FBXW10B: variants seen among roughly 807,000 people sequenced by gnomAD.
FBXW10B encodes the protein F-box and WD repeat domain containing 10B.
the FBXW10B span, chr17:15,589,111 A>T: frequency 2.5e-6 from 4 of 1,578,128 alleles, no homozygotes; most frequent in Non-Finnish European, 3.5e-6. Context: ...GTGGAGTCTC[A>T]CATGAGCACA....
the FBXW10B span, chr17:15,612,765 G>T: frequency 6.2e-7 from 1 of 1,614,044 alleles, no homozygotes; most frequent in South Asian, 1.1e-5. Flanking sequence ...TACCATTTTA[G>T]GAACTGGGAT....
the FBXW10B span, among the ~76,000 whole-genome samples, chr17:15,579,803 G>C: frequency 6.6e-6 from 1 of 152,132 alleles, no homozygotes; most frequent in African/African-American, 2.4e-5. Context: ...CAATAAATAG[G>C]CACCAAATTA....
At chr17:15,597,489 T>C in the FBXW10B span, among the ~76,000 whole-genome samples, 329 of 143,802 alleles carry the variant, frequency 2.3e-3, 3 homozygotes, top group African/African-American at 6.5e-3. Context: ...AAAAATTAGC[T>C]GGGCGTGGTG....
the FBXW10B span, chr17:15,618,908 T>C: frequency 6.5e-7 from 1 of 1,543,370 alleles, no homozygotes. Flanking sequence ...GCAATCTCTG[T>C]CTACCTATGT....
the FBXW10B span, among the ~76,000 whole-genome samples, chr17:15,579,261 TTTTAAA>T: frequency 1.3e-5 from 2 of 152,212 alleles, no homozygotes; most frequent in Non-Finnish European, 2.9e-5. Flanking sequence ...TTTGCATTTC[TTTTAAA>T]CATGTTTTAA....
the FBXW10B span, among the ~76,000 whole-genome samples, chr17:15,596,256 A>G: frequency 1.3e-5 from 2 of 152,074 alleles, no homozygotes; most frequent in African/African-American, 4.8e-5. Flanking sequence ...CCCTGAGCCC[A>G]TATCTCATGC....
chr17:15,588,218 G>A, the FBXW10B span, among the ~76,000 whole-genome samples: 666 of 152,224 alleles, frequency 4.4e-3, 2 homozygotes, highest in Non-Finnish European at 6.8e-3. Flanking sequence ...ACTACACAAC[G>A]GCCACCTGGT....
chr17:15,565,854 C>G, the FBXW10B span: 1 of 1,613,332 alleles, frequency 6.2e-7, no homozygotes, highest in East Asian at 2.2e-5. Context: ...GTTTAATGAC[C>G]TGCATACTGG....
the FBXW10B span, among the ~76,000 whole-genome samples, chr17:15,584,909 A>G: frequency 1.3e-5 from 2 of 151,880 alleles, no homozygotes; most frequent in African/African-American, 4.8e-5. Context: ...TAACACTAAT[A>G]TCTTTGAATC....
At chr17:15,577,479 C>A in the FBXW10B span, among the ~76,000 whole-genome samples, 2 of 152,130 alleles carry the variant, frequency 1.3e-5, no homozygotes, top group Non-Finnish European at 2.9e-5. Context: ...ATGAAGGATT[C>A]TTCTGTTCTC....
At chr17:15,608,342 A>G in the FBXW10B span, among the ~76,000 whole-genome samples, 28,303 of 144,514 alleles carry the variant, frequency 0.2, 3,025 homozygotes, top group East Asian at 0.39. Flanking sequence ...TTGTATTTTT[A>G]GTAGAGACAG....
At chr17:15,605,067 T>C in the FBXW10B span, 1 of 983,092 alleles carries the variant, frequency 1.0e-6, no homozygotes, top group Non-Finnish European at 1.2e-6. Flanking sequence ...CCTGACTTTT[T>C]CCTTGCCAAA....
At chr17:15,566,910 A>C in the FBXW10B span, among the ~76,000 whole-genome samples, 2 of 151,872 alleles carry the variant, frequency 1.3e-5, no homozygotes, top group African/African-American at 4.8e-5. Context: ...TAAAGAGTAT[A>C]TTAGCCTCTA....
the FBXW10B span, among the ~76,000 whole-genome samples, chr17:15,597,799 A>G: frequency 2.6e-5 from 4 of 152,316 alleles, no homozygotes; most frequent in Admixed American, 2.0e-4. Flanking sequence ...GTTGACACTT[A>G]CATGGCACTA....
chr17:15,606,594 T>C, the FBXW10B span, among the ~76,000 whole-genome samples: 2 of 134,990 alleles, frequency 1.5e-5, no homozygotes, highest in East Asian at 2.4e-4. Flanking sequence ...TGTGTGTATA[T>C]ACATATATTT....
chr17:15,596,707 G>C, the FBXW10B span: 26 of 1,588,720 alleles, frequency 1.6e-5, no homozygotes, highest in Non-Finnish European at 2.1e-5. Flanking sequence ...TGGGGAAAAA[G>C]GGGGAAAAGG....
At chr17:15,577,405 T>A in the FBXW10B span, among the ~76,000 whole-genome samples, 1 of 152,186 alleles carries the variant, frequency 6.6e-6, no homozygotes, top group Non-Finnish European at 1.5e-5. Context: ...TCTCTCATCA[T>A]GAGAAAAAAG....
the FBXW10B span, among the ~76,000 whole-genome samples, chr17:15,600,976 G>A: frequency 8.1e-5 from 11 of 135,712 alleles, no homozygotes; most frequent in African/African-American, 2.5e-4. Flanking sequence ...CTTTGAATCA[G>A]GGAGTCGGAG....
At chr17:15,613,860 G>T in the FBXW10B span, 3 of 1,607,636 alleles carry the variant, frequency 1.9e-6, no homozygotes, top group South Asian at 1.1e-5. Context: ...AGGTGGATGG[G>T]CAGGTAACGG....
Sources: gnomAD v4.1 joint callset for allele counts (sites outside exome capture counted in the v4.1 genomes callset) on GRCh38, gnomAD v4.1.1 for gene constraint, MANE v1.5 for transcripts, NCBI Gene and HGNC (gene_info 2026-07-23, HGNC 2026-07-21) for gene names.